The following C7orf78 variants were observed in gnomAD, a reference collection of about 807,000 sequenced individuals.
C7orf78 encodes the protein putative uncharacterized protein C7orf78.
chr7:12,512,862 T>C, the C7orf78 span, among the ~76,000 whole-genome samples: 1 of 152,294 alleles, frequency 6.6e-6, no homozygotes, highest in Non-Finnish European at 1.5e-5. Flanking sequence ...TACTTATTAG[T>C]CTGTTCAGGT....
chr7:12,511,096 C>T, the C7orf78 span, among the ~76,000 whole-genome samples: 1 of 151,406 alleles, frequency 6.6e-6, no homozygotes, highest in African/African-American at 2.4e-5. Flanking sequence ...GTTTCATTCT[C>T]CTGCCTGTGG....
At chr7:12,536,204 G>C in the C7orf78 span, among the ~76,000 whole-genome samples, 1 of 152,122 alleles carries the variant, frequency 6.6e-6, no homozygotes, top group Non-Finnish European at 1.5e-5. Context: ...ACTTCTGCTT[G>C]GGCATCCAGA....
the C7orf78 span, among the ~76,000 whole-genome samples, chr7:12,503,751 C>A: frequency 6.6e-6 from 1 of 151,580 alleles, no homozygotes; most frequent in Non-Finnish European, 1.5e-5. Context: ...TTTTAACTTA[C>A]CAAGAAATAT....
chr7:12,538,024 G>A, the C7orf78 span, among the ~76,000 whole-genome samples: 1 of 152,130 alleles, frequency 6.6e-6, no homozygotes, highest in Non-Finnish European at 1.5e-5. Context: ...AAGGAAAGGA[G>A]TACAATAACC....
At chr7:12,509,036 A>C in the C7orf78 span, among the ~76,000 whole-genome samples, 1 of 152,236 alleles carries the variant, frequency 6.6e-6, no homozygotes, top group Non-Finnish European at 1.5e-5. Context: ...CATTTGAATC[A>C]TTCTGAAACC....
At chr7:12,532,878 G>A in the C7orf78 span, among the ~76,000 whole-genome samples, 1 of 152,098 alleles carries the variant, frequency 6.6e-6, no homozygotes, top group Admixed American at 6.5e-5. Flanking sequence ...ATCTCTAGGA[G>A]GACCACAGGA....
chr7:12,513,740 C>T, the C7orf78 span, among the ~76,000 whole-genome samples: 1 of 152,150 alleles, frequency 6.6e-6, no homozygotes, highest in Non-Finnish European at 1.5e-5. Flanking sequence ...GTGGCTCATG[C>T]CTGTAATCCC....
chr7:12,522,933 A>G, the C7orf78 span: 3 of 397,874 alleles, frequency 7.5e-6, no homozygotes, highest in Admixed American at 8.8e-5. Flanking sequence ...CACCATTGCT[A>G]TAGTGACAAG....
the C7orf78 span, chr7:12,531,138 CTT>C: frequency 2.5e-6 from 1 of 397,940 alleles, no homozygotes; most frequent in Non-Finnish European, 4.4e-6. Flanking sequence ...TATATTAACT[CTT>C]TAACATTACT....
the C7orf78 span, among the ~76,000 whole-genome samples, chr7:12,495,996 G>C: frequency 6.6e-6 from 1 of 152,100 alleles, no homozygotes; most frequent in African/African-American, 2.4e-5. Context: ...CGTGATCTCG[G>C]CTCACTGCAA....
At chr7:12,500,611 C>G in the C7orf78 span, among the ~76,000 whole-genome samples, 1 of 151,538 alleles carries the variant, frequency 6.6e-6, no homozygotes, top group Non-Finnish European at 1.5e-5. Context: ...CAAAAAGAGT[C>G]CAGGACCAGA....
chr7:12,535,009 A>AGGAAGGAAGGAG, the C7orf78 span, among the ~76,000 whole-genome samples: 1 of 151,608 alleles, frequency 6.6e-6, no homozygotes, highest in Non-Finnish European at 1.5e-5. Flanking sequence ...GAAGGAAGGA[A>AGGAAGGAAGGAG]GGAAGGAAGG....
the C7orf78 span, among the ~76,000 whole-genome samples, chr7:12,521,239 A>G: frequency 3.9e-5 from 6 of 152,046 alleles, no homozygotes; most frequent in Admixed American, 6.6e-5. Flanking sequence ...ACTTGAAGAC[A>G]TACTCTCTGA....
the C7orf78 span, among the ~76,000 whole-genome samples, chr7:12,528,739 C>G: frequency 6.6e-6 from 1 of 152,168 alleles, no homozygotes; most frequent in African/African-American, 2.4e-5. Flanking sequence ...TCCAGCAGGA[C>G]TGGCAGAAAG....
chr7:12,526,914 C>T, the C7orf78 span, among the ~76,000 whole-genome samples: 1 of 152,058 alleles, frequency 6.6e-6, no homozygotes, highest in Non-Finnish European at 1.5e-5. Context: ...TGCCGTCTAG[C>T]TGTGTAACTG....
the C7orf78 span, among the ~76,000 whole-genome samples, chr7:12,498,351 A>T: frequency 6.6e-6 from 1 of 151,176 alleles, no homozygotes; most frequent in African/African-American, 2.4e-5. Context: ...ATTTAGAAGA[A>T]TGTATAACTA....
the C7orf78 span, among the ~76,000 whole-genome samples, chr7:12,540,447 A>G: frequency 6.6e-6 from 1 of 152,208 alleles, no homozygotes; most frequent in African/African-American, 2.4e-5. Context: ...AATCATTTTC[A>G]TAGGCATAAC....
chr7:12,498,576 G>A, the C7orf78 span, among the ~76,000 whole-genome samples: 1 of 152,084 alleles, frequency 6.6e-6, no homozygotes. Context: ...AAGAAATATG[G>A]GACTATGTGA....
the C7orf78 span, chr7:12,491,670 C>G: frequency 3.9e-5 from 6 of 152,248 alleles, no homozygotes; most frequent in East Asian, 9.7e-4. Flanking sequence ...TTTCCTCTAG[C>G]CATATTTGTG....
Sources: allele counts gnomAD v4.1 joint callset (sites outside exome capture counted in the v4.1 genomes callset), GRCh38; gene constraint gnomAD v4.1.1; transcripts MANE v1.5; gene names NCBI Gene and HGNC (gene_info 2026-07-23, HGNC 2026-07-21).